CCSER1: variants seen among roughly 807,000 people sequenced by gnomAD.
CCSER1 encodes serine-rich coiled-coil domain-containing protein 1.
In CCSER1, 41 loss-of-function variants were observed where a neutral mutation model predicts 82.0. The ratio of observed to expected loss-of-function variants is 0.50; its 90% confidence interval spans 0.39 to 0.65. The LOEUF (loss-of-function observed/expected upper bound fraction) is 0.65. Ranked by LOEUF, CCSER1 falls within the 30% of genes least tolerant of loss-of-function variation. The pLI is 0.00. For synonymous variants in CCSER1, 414 were observed against 383.9 expected, an observed-to-expected ratio of 1.08 and a Z score of -0.92; for missense variants, 1,119 against 1,064.2, an observed-to-expected ratio of 1.05 and a Z score of -0.72.
At chr4:91,034,382 A>ATTGT (rs10626443) in intron 9 of CCSER1, among the ~76,000 whole-genome samples, 65,724 of 151,698 alleles carry the variant, frequency 0.43, 14,934 homozygotes, top group East Asian at 0.68. Context: ...ACCTTTTTAA[A>ATTGT]TTGTTAAAAT....
intron 7 of CCSER1, among the ~76,000 whole-genome samples, chr4:90,729,976 C>A (rs543876869): frequency 6.6e-6 from 1 of 152,156 alleles, no homozygotes; most frequent in African/African-American, 2.4e-5. Context: ...GTTATCCAAA[C>A]CACCACAGTA....
intron 10 of CCSER1, among the ~76,000 whole-genome samples, chr4:91,103,551 G>A (rs555680584): frequency 6.6e-6 from 1 of 152,282 alleles, no homozygotes; most frequent in South Asian, 2.1e-4. Flanking sequence ...ACCCCGAATG[G>A]AGGGACTGGC....
chr4:90,506,280 A>C (rs1298844465), intron 5 of CCSER1, among the ~76,000 whole-genome samples: 1 of 152,218 alleles, frequency 6.6e-6, no homozygotes, highest in Non-Finnish European at 1.5e-5. Context: ...TCTTATAATC[A>C]GAAAAAAATG....
At chr4:90,940,537 A>G (rs758590189) in intron 9 of CCSER1, among the ~76,000 whole-genome samples, 2 of 152,134 alleles carry the variant, frequency 1.3e-5, no homozygotes, top group Non-Finnish European at 2.9e-5. Flanking sequence ...AATAGGGATT[A>G]ACGGGGATGT....
chr4:90,597,115 A>G (rs1317425111), intron 5 of CCSER1, among the ~76,000 whole-genome samples: 1 of 151,988 alleles, frequency 6.6e-6, no homozygotes, highest in Non-Finnish European at 1.5e-5. Context: ...TTTAAATTCT[A>G]TCTTCTGATG....
chr4:91,094,478 C>T (rs115717859), intron 10 of CCSER1, among the ~76,000 whole-genome samples: 3,150 of 152,176 alleles, frequency 0.021, 136 homozygotes, highest in African/African-American at 0.072. Context: ...GTTAACCAAG[C>T]GTAAGTCCTG....
intron 10 of CCSER1, among the ~76,000 whole-genome samples, chr4:91,314,918 T>G (rs1468761839): frequency 6.6e-6 from 1 of 151,840 alleles, no homozygotes; most frequent in African/African-American, 2.4e-5. Flanking sequence ...GTAGGTAAGC[T>G]AAGGATACTA....
Position 90,860,446 on chromosome 4 carries a change from T to G in CCSER1, c.2094+44601T>G, listed in dbSNP as rs374540541. 1.7e-4 allele frequency among the ~76,000 whole-genome samples: 26 copies of G among 151,806 alleles called. 2 individuals are homozygous for G. In the East Asian group the frequency reaches 3.7e-3, roughly 21 times the overall value. On this transcript the variant is annotated intron_variant, in intron 8 of 10. Transcript: ENST00000509176. ...ACTCCTTTGGAAAAAGTTTTAATTTTTAAAAATGTTAAATATAGAGTTAAC... is the reference window on the plus strand; with the variant it reads ...ACTCCTTTGGAAAAAGTTTTAATTTGTAAAAATGTTAAATATAGAGTTAAC...
intron 8 of CCSER1, among the ~76,000 whole-genome samples, chr4:90,818,801 A>G (rs909570045): frequency 6.6e-6 from 1 of 152,124 alleles, no homozygotes; most frequent in African/African-American, 2.4e-5. Flanking sequence ...CCACTGCTAC[A>G]GGGATATTAG....
chr4:90,913,428 G>A (rs573041642), intron 8 of CCSER1, among the ~76,000 whole-genome samples: 8 of 152,248 alleles, frequency 5.3e-5, no homozygotes, highest in Admixed American at 3.9e-4. Context: ...ATCCTTTACA[G>A]ACAAGCAAAT....
At chr4:90,239,983 A>G (rs1265775160) in intron 1 of CCSER1, among the ~76,000 whole-genome samples, 3 of 152,210 alleles carry the variant, frequency 2.0e-5, no homozygotes, top group African/African-American at 7.2e-5. Context: ...TCTCTAAGAT[A>G]TAGAGAAACC....
chr4:90,651,031 C>T (rs898418351), intron 6 of CCSER1, among the ~76,000 whole-genome samples: 1 of 152,144 alleles, frequency 6.6e-6, no homozygotes, highest in Non-Finnish European at 1.5e-5. Context: ...TCTGTTTCTT[C>T]ATTTGTAGAA....
chr4:90,957,603 T>A (rs892489712), intron 9 of CCSER1, among the ~76,000 whole-genome samples: 1 of 130,774 alleles, frequency 7.6e-6, no homozygotes, highest in Non-Finnish European at 1.6e-5. Context: ...TTATATTATA[T>A]ATAATATATA....
intron 9 of CCSER1, among the ~76,000 whole-genome samples, chr4:90,944,632 G>C (rs552718461): frequency 6.6e-6 from 1 of 152,112 alleles, no homozygotes; most frequent in Non-Finnish European, 1.5e-5. Context: ...TCCCAACATT[G>C]TGGCATTTTC....
At chr4:90,237,380 A>G (rs1331865716) in intron 1 of CCSER1, among the ~76,000 whole-genome samples, 1 of 152,134 alleles carries the variant, frequency 6.6e-6, no homozygotes, top group Non-Finnish European at 1.5e-5. Flanking sequence ...CTGTGCTTAG[A>G]GTTTTTTTCC....
In CCSER1 at chr4:90,726,148, C is replaced by T. The variant is rs1743600374; in HGVS notation, c.2010+2157C>T. Among the ~76,000 whole-genome samples the T allele has an allele frequency of 2.0e-5, 3 of 151,938 alleles. No homozygotes were observed. The South Asian group carries it at 6.2e-4, about 31-fold the overall frequency. ...TAGATTACTAGAAGAAATGTATTTA[C>T]TCCACTTTCTTAGTCAGTTTTGGAA... On this transcript the variant is annotated intron_variant, in intron 7 of 10. Transcript: ENST00000509176.
chr4:90,526,824 A>G (rs1394814629), intron 5 of CCSER1, among the ~76,000 whole-genome samples: 3 of 152,220 alleles, frequency 2.0e-5, no homozygotes, highest in African/African-American at 4.8e-5. Flanking sequence ...TAGGGCTTCA[A>G]TAAACATACG....
rs1044405698 is a variant in CCSER1 at position 90,808,975 on chromosome 4, A to G, written c.2011-6787A>G. 2.6e-5 allele frequency among the ~76,000 whole-genome samples: 4 copies of G among 152,208 alleles called. No homozygotes were observed. The South Asian group carries it at 6.2e-4, about 24-fold the overall frequency. On this transcript the variant is annotated intron_variant, in intron 7 of 10. Coordinates refer to ENST00000509176, the MANE Select transcript of CCSER1 (RefSeq NM_001145065.2). Reference sequence around the variant, plus strand: ...CACAGCACAATTCACAATTACAAAGATATGGAATCAATTTAAGTGCCCATC... The same window carrying G: ...CACAGCACAATTCACAATTACAAAGGTATGGAATCAATTTAAGTGCCCATC...
At chr4:90,361,821 G>A (rs1415417847) in intron 3 of CCSER1, among the ~76,000 whole-genome samples, 1 of 152,188 alleles carries the variant, frequency 6.6e-6, no homozygotes, top group African/African-American at 2.4e-5. Flanking sequence ...AGTTCTCTGT[G>A]AGTCTCTTGT....
Sources: gnomAD v4.1 joint callset for allele counts (sites outside exome capture counted in the v4.1 genomes callset) on GRCh38, gnomAD v4.1.1 for gene constraint, MANE v1.5 for transcripts, NCBI Gene and HGNC (gene_info 2026-07-23, HGNC 2026-07-21) for gene names.